NUGGC: variants seen among roughly 807,000 people sequenced by gnomAD.
NUGGC encodes the protein nuclear GTPase, germinal center associated.
NUGGC carries 58 observed loss-of-function variants against 92.6 expected under a neutral mutation model. The ratio of observed to expected loss-of-function variants is 0.63; its 90% CI spans 0.51 to 0.78. The LOEUF (loss-of-function observed/expected upper bound fraction) is 0.78. Among genes scored for constraint, NUGGC ranks in the 30% least tolerant of loss-of-function variants. NUGGC has a pLI of 0.00. For missense variants in NUGGC, 925 were observed against 964.6 expected (o/e 0.96, Z 0.54); for synonymous variants, 376 against 366.4 (o/e 1.03, Z -0.30).
chr8:28,060,263 C>T, intron 8 of NUGGC, 163 bp downstream of exon 8: 1 of 758,118 alleles, frequency 1.3e-6, no homozygotes, highest in Non-Finnish European at 2.3e-6. Context: ...ACCAAGGGTC[C>T]TGATGTCCCA....
intron 18 of NUGGC, among the ~76,000 whole-genome samples, chr8:28,024,195 CTTTTTT>C (rs763885790): frequency 8.1e-6 from 1 of 124,032 alleles, no homozygotes; most frequent in African/African-American, 3.0e-5. Context: ...TAAATTCTTT[CTTTTTT>C]TTTTTTTTTT....
chr8:28,073,000 T>C (rs1336168777), intron 2 of NUGGC, among the ~76,000 whole-genome samples: 1 of 126,176 alleles, frequency 7.9e-6, no homozygotes, highest in African/African-American at 3.5e-5. Context: ...TTGTTGACTG[T>C]TGAAATTTTT....
In NUGGC at chr8:28,033,487, T is replaced by C. The variant is rs1221129875; in HGVS notation, c.1769+53A>G. 5.2e-6 allele frequency: 8 copies of C among 1,544,770 alleles called. No homozygotes were observed. The African/African-American group carries it at 1.1e-4, about 21-fold the overall frequency. On this transcript the variant is annotated intron_variant, in intron 14 of 18. Coordinates refer to ENST00000413272, the MANE Select transcript of NUGGC (RefSeq NM_001010906.2). ...AAAGTCTAAATTCTTAAAGACTGGC[T>C]CCACATTCTTCCGATGTTTGTTCCC...
rs1362007994 is a variant in NUGGC at position 28,068,295 on chromosome 8, A to G, written c.401T>C (p.Ile134Thr). ...AMFLPVSGES[I>T]CTSCIVQVSS... ...CACTTGTACAATGCAGGAAGTACAT[A>G]TGCTTTCTCCAGACACTGGTAGAAA... Residue 134 changes from isoleucine to threonine, a missense_variant, in exon 5 of 19, where the codon ATA (isoleucine) becomes ACA (threonine). By Grantham distance (89) the Ile-to-Thr change is moderately conservative (BLOSUM62 -1). Coordinates refer to ENST00000413272, the MANE Select transcript of NUGGC (RefSeq NM_001010906.2). 1 of 1,552,368 alleles carries G rather than the reference A, an allele frequency of 6.4e-7. No homozygotes were observed. The highest frequency in any genetic ancestry group is 1.2e-5 in the South Asian group (1 of 84,062).
intron 7 of NUGGC, among the ~76,000 whole-genome samples, chr8:28,061,426 G>T (rs1438093659): frequency 1.3e-5 from 2 of 152,124 alleles, no homozygotes; most frequent in African/African-American, 4.8e-5. Flanking sequence ...ATGAAAATCT[G>T]GTTCAACTCA....
At chr8:28,062,707 A>G (rs1168247028) in intron 7 of NUGGC, among the ~76,000 whole-genome samples, 1 of 152,170 alleles carries the variant, frequency 6.6e-6, no homozygotes, top group Admixed American at 6.6e-5. Flanking sequence ...GGCCATAAGG[A>G]TGCCAGGCTG....
rs947995773 is a variant in NUGGC, at chr8:28,057,929, C to A, written c.1116+329G>T. 3.3e-5 allele frequency among the ~76,000 whole-genome samples: 5 copies of A among 152,244 alleles called. No homozygotes were observed. The East Asian group carries it at 7.7e-4, about 24-fold the overall frequency. ...AGTTCAGGCCGGGCGCGGTGGCTCA[C>A]GCCTGTAATCCCAGCACTTTGGGAG... On this transcript the variant is annotated intron_variant, in intron 9 of 18. Coordinates refer to ENST00000413272, the MANE Select transcript of NUGGC (RefSeq NM_001010906.2).
intron 10 of NUGGC, among the ~76,000 whole-genome samples, chr8:28,053,797 T>G (rs1388747966): frequency 6.6e-6 from 1 of 152,202 alleles, no homozygotes. Context: ...CAATGCATAT[T>G]TATTTAATAC....
At chr8:28,046,357 G>C (rs927700968) in intron 11 of NUGGC, among the ~76,000 whole-genome samples, 1 of 152,062 alleles carries the variant, frequency 6.6e-6, no homozygotes, top group Non-Finnish European at 1.5e-5. Flanking sequence ...ATGCATGCAC[G>C]TTGCAAGCCA....
intron 6 of NUGGC, among the ~76,000 whole-genome samples, chr8:28,066,158 T>A (rs1311968343): frequency 6.6e-6 from 1 of 152,232 alleles, no homozygotes; most frequent in Non-Finnish European, 1.5e-5. Flanking sequence ...CTTGTGTAAG[T>A]TGCGTGTATT....
At chr8:28,080,330 A>AT (rs1436579879) in intron 1 of NUGGC, among the ~76,000 whole-genome samples, 5 of 152,108 alleles carry the variant, frequency 3.3e-5, no homozygotes, top group Non-Finnish European at 4.4e-5. Context: ...TTTTCACTGC[A>AT]TTTTTTCTGT....
intron 5 of NUGGC, 39 bp downstream of exon 5, chr8:28,068,177 G>GAAA: frequency 8.0e-7 from 1 of 1,249,886 alleles, no homozygotes; most frequent in South Asian, 1.3e-5. Context: ...AAGGAAAAAG[G>GAAA]AAGGAAGGGA....
intron 10 of NUGGC, among the ~76,000 whole-genome samples, chr8:28,054,299 T>C (rs975006061): frequency 6.6e-6 from 1 of 151,956 alleles, no homozygotes; most frequent in Non-Finnish European, 1.5e-5. Flanking sequence ...CTGGCTAACA[T>C]GGTGAAACCT....
intron 9 of NUGGC, among the ~76,000 whole-genome samples, chr8:28,056,445 T>C (rs914060103): frequency 1.3e-5 from 2 of 149,324 alleles, no homozygotes; most frequent in Admixed American, 1.3e-4. Context: ...GCCACTGCAC[T>C]CCAGCCTGGG....
chr8:28,031,622 G>T lies in NUGGC; in HGVS notation c.1770-241C>A, dbSNP rs922752730. On this transcript the variant is annotated intron_variant, in intron 14 of 18. Transcript: ENST00000413272. ...AGAAAATTGAGGTTCAGAGAGGATTGCTGGTGTGTCCAAGGTCACACAGCT... is the reference window on the plus strand; with the variant it reads ...AGAAAATTGAGGTTCAGAGAGGATTTCTGGTGTGTCCAAGGTCACACAGCT... Among the ~76,000 whole-genome samples, 5 of 152,322 alleles carry T rather than the reference G, an allele frequency of 3.3e-5. No individual in the cohort carries two copies. In the East Asian group the frequency reaches 9.6e-4, roughly 29 times the overall value.
chr8:28,045,991 A>T lies in NUGGC; in HGVS notation c.1313-331T>A, dbSNP rs528548491. On this transcript the variant is annotated intron_variant, in intron 11 of 18. Coordinates refer to ENST00000413272, the MANE Select transcript of NUGGC (RefSeq NM_001010906.2). ...GCAGAGGTAAACCAAAGTGCTCGGA[A>T]TTCTAGAGTCCCAGCCCTTCAGTCC... Among the ~76,000 whole-genome samples the T allele has an allele frequency of 2.6e-5, 4 of 152,292 alleles. No individual in the cohort carries two copies. In the South Asian group the frequency reaches 8.3e-4, roughly 32 times the overall value.
intron 5 of NUGGC, 32 bp downstream of exon 5, chr8:28,068,175 AGGAAGGAAG>A: frequency 8.0e-7 from 1 of 1,244,408 alleles, no homozygotes; most frequent in Non-Finnish European, 1.1e-6. Context: ...GGAAGGAAAA[AGGAAGGAAG>A]GGAAGGAAGG....
chr8:28,079,535 TA>T, intron 1 of NUGGC, among the ~76,000 whole-genome samples: 2 of 151,936 alleles, frequency 1.3e-5, no homozygotes, highest in African/African-American at 2.4e-5. Flanking sequence ...GATTTCGTCT[TA>T]AAAAAAAGAA....
chr8:28,058,148 C>T (rs896930718), intron 9 of NUGGC, 110 bp downstream of exon 9: 24 of 197,014 alleles, frequency 1.2e-4, no homozygotes, highest in Non-Finnish European at 2.5e-4. Context: ...GCCGAGATCG[C>T]GCCAATGCAC....
Sources: gnomAD v4.1 joint callset for allele counts (sites outside exome capture counted in the v4.1 genomes callset) on GRCh38, gnomAD v4.1.1 for gene constraint, MANE v1.5 for transcripts, NCBI Gene and HGNC (gene_info 2026-07-23, HGNC 2026-07-21) for gene names.